GOLGA1: variants seen among roughly 807,000 people sequenced by gnomAD.
GOLGA1 encodes golgin subfamily A member 1.
A neutral mutation model predicts 119.7 loss-of-function variants in GOLGA1; 63 were observed. The observed-to-expected ratio is 0.53, with a 90% CI of 0.43 to 0.65. The LOEUF is 0.65. Ranked by LOEUF, GOLGA1 falls within the 30% of genes least tolerant of loss-of-function variation. GOLGA1 has a pLI of 0.00. For missense variants in GOLGA1, 798 were observed against 912.8 expected (o/e 0.87, Z 1.62); for synonymous variants, 318 against 333.4 (o/e 0.95, Z 0.50).
chr9:124,909,961 G>C (rs1014669780), intron 11 of GOLGA1, among the ~76,000 whole-genome samples: 2 of 151,866 alleles, frequency 1.3e-5, no homozygotes, highest in African/African-American at 2.4e-5. Context: ...TTTTGAGACA[G>C]AGTCTCGCTC....
upstream of GOLGA1, chr9:124,941,206 G>C (rs1831014994): frequency 6.6e-6 from 1 of 152,324 alleles, no homozygotes; most frequent in Admixed American, 6.5e-5. Context: ...CGACTGGGCC[G>C]GAACGGCTGG....
intron 19 of GOLGA1, 72 bp from the exon 20 acceptor site, chr9:124,882,641 A>T (rs1245003908): frequency 8.5e-7 from 1 of 1,177,416 alleles, no homozygotes; most frequent in Non-Finnish European, 1.2e-6. Context: ...AGACCCGAAG[A>T]TCCCACGGGA....
intron 10 of GOLGA1, among the ~76,000 whole-genome samples, chr9:124,920,613 T>C (rs1199792490): frequency 6.6e-6 from 1 of 152,114 alleles, no homozygotes; most frequent in African/African-American, 2.4e-5. Flanking sequence ...GTATTTTTCA[T>C]GCTCAAGGTC....
At chr9:124,901,436 A>T (rs1220115558) in intron 12 of GOLGA1, among the ~76,000 whole-genome samples, 65 of 131,366 alleles carry the variant, frequency 4.9e-4, no homozygotes, top group African/African-American at 1.6e-3. Flanking sequence ...ACGCCCAGCT[A>T]TTTTTTTTTT....
rs1179962580 is a variant in GOLGA1 at position 124,885,520 on chromosome 9, C to T, written c.1905+2733G>A. ...AAAAAAAGAAATCAATAATCAAATC[C>T]GCAGTGTATCAGAGGGTATGAAGAG... On this transcript the variant is annotated intron_variant, in intron 19 of 22. Transcript: ENST00000373555. Among the ~76,000 whole-genome samples, 19 of 150,404 alleles carry T rather than the reference C, an allele frequency of 1.3e-4. No individual in the cohort carries two copies. In the East Asian group the frequency reaches 2.5e-3, roughly 20 times the overall value.
In GOLGA1 at chr9:124,904,985, C is replaced by A. The variant is rs1416915285; in HGVS notation, c.1065+3392G>T. On this transcript the variant is annotated intron_variant, in intron 12 of 22. Transcript: ENST00000373555. ...TAAAATAAAATAAATTAAAAAAATA[C>A]AAAAAAAAAAATGAGCCGGGTGTGG... Among the ~76,000 whole-genome samples, 255 of 138,424 alleles carry A rather than the reference C, an allele frequency of 1.8e-3. 1 individual carries two copies. Among genetic ancestry groups the A allele is most frequent in the African/African-American group, 6.4e-3 (241 of 37,908 alleles). The allele number at this position is 138,424 out of a possible 152,430, so 90.8% of individuals were successfully genotyped here.
chr9:124,944,261 T>G (rs572358474), upstream of GOLGA1: 1 of 151,672 alleles, frequency 6.6e-6, no homozygotes, highest in African/African-American at 2.4e-5. Context: ...AGTAACAAGT[T>G]AACAAAAACC....
At chr9:124,947,680 A>G (rs538274942) in intron 1 of GOLGA1, 35 of 152,372 alleles carry the variant, frequency 2.3e-4, no homozygotes, top group Non-Finnish European at 3.5e-4. Context: ...GATTGCATGT[A>G]GCATCACAAA....
At chr9:124,935,232 A>G (rs987556809) in intron 3 of GOLGA1, among the ~76,000 whole-genome samples, 1 of 152,216 alleles carries the variant, frequency 6.6e-6, no homozygotes, top group Non-Finnish European at 1.5e-5. Context: ...CATATACATA[A>G]TATAATATTT....
At chr9:124,928,879 A>G (rs1830720331) in intron 5 of GOLGA1, among the ~76,000 whole-genome samples, 1 of 152,156 alleles carries the variant, frequency 6.6e-6, no homozygotes, top group Non-Finnish European at 1.5e-5. Flanking sequence ...GCAGTAATGA[A>G]GCTGTGGTGA....
intron 22 of GOLGA1, among the ~76,000 whole-genome samples, chr9:124,880,859 T>A (rs2131351813): frequency 6.6e-6 from 1 of 152,344 alleles, no homozygotes; most frequent in East Asian, 1.9e-4. Flanking sequence ...TTTTTTCCTA[T>A]TAGAGCATTT....
intron 10 of GOLGA1, among the ~76,000 whole-genome samples, chr9:124,913,192 G>C (rs1830373219): frequency 1.3e-5 from 2 of 152,112 alleles, no homozygotes; most frequent in Non-Finnish European, 2.9e-5. Flanking sequence ...CAGCAAAGGA[G>C]AAATCTGCCT....
chr9:124,916,131 A>AAATG (rs71374205), intron 10 of GOLGA1, among the ~76,000 whole-genome samples: 10 of 150,844 alleles, frequency 6.6e-5, no homozygotes, highest in African/African-American at 9.7e-5. Flanking sequence ...ATAAATAAAT[A>AAATG]CATAAATATA....
At chr9:124,921,651 G>T in intron 9 of GOLGA1, 72 bp downstream of exon 9, 1 of 1,179,390 alleles carries the variant, frequency 8.5e-7, no homozygotes, top group South Asian at 1.3e-5. Context: ...GAACAATGGG[G>T]AAAGGTGGGC....
intron 3 of GOLGA1, among the ~76,000 whole-genome samples, chr9:124,938,097 A>G (rs867599627): frequency 2.0e-5 from 3 of 151,628 alleles, no homozygotes; most frequent in South Asian, 2.1e-4. Flanking sequence ...AAAAAAAAAA[A>G]AGAAAGAAAA....
At chr9:124,884,869 CAA>C (rs1405757095) in intron 19 of GOLGA1, among the ~76,000 whole-genome samples, 2 of 152,150 alleles carry the variant, frequency 1.3e-5, no homozygotes, top group East Asian at 3.9e-4. Flanking sequence ...GAAACGGCAA[CAA>C]AAAAGTCAAA....
At chr9:124,890,731 G>A (rs955216876) in intron 15 of GOLGA1, among the ~76,000 whole-genome samples, 1 of 152,084 alleles carries the variant, frequency 6.6e-6, no homozygotes, top group African/African-American at 2.4e-5. Flanking sequence ...GAGCACCCCC[G>A]CCAGGACCCA....
At chr9:124,916,203 T>C (rs537635380) in intron 10 of GOLGA1, among the ~76,000 whole-genome samples, 2 of 150,562 alleles carry the variant, frequency 1.3e-5, no homozygotes, top group Admixed American at 6.6e-5. Flanking sequence ...TTAAGTACAA[T>C]ACAGGTTAGG....
intron 3 of GOLGA1, among the ~76,000 whole-genome samples, chr9:124,934,945 G>T (rs755966406): frequency 6.6e-6 from 1 of 152,156 alleles, no homozygotes; most frequent in Non-Finnish European, 1.5e-5. Flanking sequence ...TACTCACGAG[G>T]CTGAAATGGG....
Sources: allele counts gnomAD v4.1 joint callset (sites outside exome capture counted in the v4.1 genomes callset), GRCh38; gene constraint gnomAD v4.1.1; transcripts MANE v1.5; gene names NCBI Gene and HGNC (gene_info 2026-07-23, HGNC 2026-07-21).